MICU1: variants seen among roughly 807,000 people sequenced by gnomAD.
MICU1 encodes the protein mitochondrial calcium uptake 1, also known as calcium uptake protein 1, mitochondrial.
Under a neutral mutation model 56.8 loss-of-function variants are expected in MICU1, and 45 were observed. The ratio of observed to expected loss-of-function variants is 0.79; its 90% CI spans 0.62 to 1.02. MICU1 has a LOEUF of 1.02. MICU1 is among the 50% of genes least tolerant of loss of function. The pLI is 0.00. For missense variants in MICU1, 504 were observed against 587.1 expected (o/e 0.86, Z 1.46); for synonymous variants, 186 against 195.1 (o/e 0.95, Z 0.39).
In MICU1 at chr10:72,566,722, T is replaced by C; in HGVS notation, c.72A>G (p.Ser24=). The C allele has an allele frequency of 6.2e-7, 1 of 1,612,812 alleles. No homozygotes were observed. The highest frequency in any genetic ancestry group is 8.5e-7 in the Non-Finnish European group (1 of 1,179,400). The stretch of plus-strand genomic sequence containing the variant: ...GTCTTCGCCGGATCTGGATGGGCTG[T>C]GATCCTCCATGGTACCATCGAGAAC... ...AVGSRWYHGG[S]QPIQIRRRLM... The change falls in exon 2 of 12, where the codon TCA becomes TCG. Residue 24 remains serine, a synonymous_variant. Transcript: ENST00000361114.
At chr10:72,500,648 T>C (rs563716935) in intron 6 of MICU1, among the ~76,000 whole-genome samples, 1 of 152,156 alleles carries the variant, frequency 6.6e-6, no homozygotes, top group East Asian at 1.9e-4. Flanking sequence ...TGCCTCCCCA[T>C]CAAGCTATCT....
chr10:72,494,903 G>A (rs1170943128), intron 6 of MICU1, among the ~76,000 whole-genome samples: 1 of 151,226 alleles, frequency 6.6e-6, no homozygotes, highest in Non-Finnish European at 1.5e-5. Flanking sequence ...AAAAGAAATA[G>A]CTGATGTTTC....
chr10:72,450,608 TA>T (rs761144030), intron 8 of MICU1, among the ~76,000 whole-genome samples: 1 of 152,164 alleles, frequency 6.6e-6, no homozygotes, highest in Non-Finnish European at 1.5e-5. Context: ...CTTAAATCTT[TA>T]CTAAAACAAA....
chr10:72,432,083 T>C (rs892856751), intron 8 of MICU1, among the ~76,000 whole-genome samples: 1 of 144,612 alleles, frequency 6.9e-6, no homozygotes, highest in African/African-American at 2.4e-5. Context: ...TGTTAATGTA[T>C]TGCCTTTTTT....
At position 72,415,050 on chromosome 10, in the gene MICU1, C is replaced by T. The variant is rs566423214; in HGVS notation, c.1072-7013G>A. On this transcript the variant is annotated intron_variant, in intron 9 of 11. Coordinates refer to ENST00000361114, the MANE Select transcript of MICU1 (RefSeq NM_001195518.2). ...TTTTTTTTTGAGACAGAGTCTCACTCTGTTGCTTAGGCTGGAGTGCAATGG... is the reference window on the plus strand; with the variant it reads ...TTTTTTTTTGAGACAGAGTCTCACTTTGTTGCTTAGGCTGGAGTGCAATGG... 3.6e-5 allele frequency among the ~76,000 whole-genome samples: 5 copies of T among 137,650 alleles called. No individual in the cohort carries two copies. In the Admixed American group the frequency reaches 4.0e-4, roughly 11 times the overall value. 90.3% of individuals were successfully genotyped at this position (137,650 alleles called of 152,430 possible). A position where few individuals can be genotyped will look rare whatever the true frequency, so the allele number is the denominator to read the frequency against.
chr10:72,404,932 A>G (rs752247889), intron 10 of MICU1, among the ~76,000 whole-genome samples: 6 of 152,158 alleles, frequency 3.9e-5, no homozygotes, highest in African/African-American at 7.2e-5. Flanking sequence ...TTTGAGATGG[A>G]GTCTTGCTCT....
At chr10:72,413,188 C>A (rs893308020) in intron 9 of MICU1, among the ~76,000 whole-genome samples, 2 of 151,914 alleles carry the variant, frequency 1.3e-5, no homozygotes, top group Admixed American at 6.6e-5. Context: ...CAGTGAAACT[C>A]TGTCTCAAAA....
chr10:72,521,548 T>A (rs1343706534), intron 5 of MICU1, among the ~76,000 whole-genome samples: 1 of 152,088 alleles, frequency 6.6e-6, no homozygotes, highest in Non-Finnish European at 1.5e-5. Context: ...TCTCTTTAAG[T>A]CCTTATTGCA....
intron 11 of MICU1, among the ~76,000 whole-genome samples, chr10:72,374,214 C>T (rs72808187): frequency 0.1 from 15,578 of 152,258 alleles, 2,099 homozygotes; most frequent in African/African-American, 0.31. Flanking sequence ...TTGACTTCCC[C>T]GCTTCAAGCG....
At chr10:72,500,312 T>A (rs1389050743) in intron 6 of MICU1, among the ~76,000 whole-genome samples, 101 of 16,016 alleles carry the variant, frequency 6.3e-3, no homozygotes, top group African/African-American at 0.016. Context: ...ATTTTTTTTT[T>A]TTTTTTTTTT....
At chr10:72,406,991 T>C (rs1327111258) in intron 10 of MICU1, among the ~76,000 whole-genome samples, 1 of 152,184 alleles carries the variant, frequency 6.6e-6, no homozygotes, top group Non-Finnish European at 1.5e-5. Flanking sequence ...ACAACGGAGA[T>C]GGATCTCAAA....
chr10:72,526,678 T>A (rs1428404306), intron 5 of MICU1, among the ~76,000 whole-genome samples: 2 of 152,198 alleles, frequency 1.3e-5, no homozygotes, highest in East Asian at 3.8e-4. Flanking sequence ...ATTTAACATA[T>A]AATTAATCAA....
intron 1 of MICU1, among the ~76,000 whole-genome samples, chr10:72,569,480 C>T (rs2132482469): frequency 6.6e-6 from 1 of 151,680 alleles, no homozygotes; most frequent in East Asian, 1.9e-4. Flanking sequence ...GGTGATCTAC[C>T]TGCCTCGGCT....
At chr10:72,388,151 G>A (rs1479389613) in intron 10 of MICU1, among the ~76,000 whole-genome samples, 3 of 152,150 alleles carry the variant, frequency 2.0e-5, no homozygotes, top group South Asian at 2.1e-4. Flanking sequence ...TATAGTTAAC[G>A]CTCAATAAAT....
intron 4 of MICU1, among the ~76,000 whole-genome samples, chr10:72,543,958 A>T (rs1219005169): frequency 6.6e-6 from 1 of 152,236 alleles, no homozygotes; most frequent in Non-Finnish European, 1.5e-5. Flanking sequence ...CCAAAGAAAG[A>T]AGAAGTAAAA....
chr10:72,550,007 G>C (rs997181737), intron 4 of MICU1, among the ~76,000 whole-genome samples: 2 of 150,780 alleles, frequency 1.3e-5, no homozygotes, highest in African/African-American at 2.4e-5. Flanking sequence ...GCTTAATGAC[G>C]TTTTGGTCAA....
chr10:72,505,360 G>T (rs1178921484), intron 6 of MICU1, among the ~76,000 whole-genome samples: 1 of 152,138 alleles, frequency 6.6e-6, no homozygotes, highest in Non-Finnish European at 1.5e-5. Context: ...TACACTGTTG[G>T]TGGGAATGTA....
At chr10:72,444,200 C>T (rs1159286635) in intron 8 of MICU1, among the ~76,000 whole-genome samples, 1 of 145,456 alleles carries the variant, frequency 6.9e-6, no homozygotes, top group African/African-American at 2.5e-5. Flanking sequence ...GGAGGGGGAA[C>T]ATCACACTCT....
At chr10:72,415,689 C>G (rs979244561) in intron 9 of MICU1, among the ~76,000 whole-genome samples, 15 of 152,314 alleles carry the variant, frequency 9.8e-5, no homozygotes, top group African/African-American at 2.4e-5. Flanking sequence ...CTTCCACCAT[C>G]TGCTTCCATA....
Sources: gnomAD v4.1 joint callset for allele counts (sites outside exome capture counted in the v4.1 genomes callset) on GRCh38, gnomAD v4.1.1 for gene constraint, MANE v1.5 for transcripts, NCBI Gene and HGNC (gene_info 2026-07-23, HGNC 2026-07-21) for gene names.